The following SEMA3A variants were observed in gnomAD, a reference collection of about 807,000 sequenced individuals.
The protein encoded by SEMA3A is semaphorin 3A.
A neutral mutation model predicts 97.9 loss-of-function variants in SEMA3A; 29 were observed. The observed-to-expected ratio is 0.30, with a 90% CI of 0.22 to 0.40. SEMA3A has a LOEUF of 0.40. Ranked by LOEUF, SEMA3A falls within the 10% of genes least tolerant of loss-of-function variation. The pLI, the probability that SEMA3A is intolerant of heterozygous loss-of-function variation, is 1.00. For synonymous variants in SEMA3A, 321 were observed against 323.7 expected (o/e 0.99, Z 0.09); for missense variants, 763 against 951.3 (o/e 0.80, Z 2.60).
chr7:84,207,957 G>C (rs1257840697), intron 3 of SEMA3A, among the ~76,000 whole-genome samples: 1 of 152,042 alleles, frequency 6.6e-6, no homozygotes, highest in Non-Finnish European at 1.5e-5. Context: ...TTTTAGTCTT[G>C]TGTATTTTAT....
chr7:84,066,772 G>C (rs1793519692), intron 4 of SEMA3A, among the ~76,000 whole-genome samples: 1 of 151,942 alleles, frequency 6.6e-6, no homozygotes, highest in Admixed American at 6.6e-5. Flanking sequence ...AAATAAAAGA[G>C]GATACAAACA....
At chr7:83,989,572 G>C (rs966954492) in intron 12 of SEMA3A, among the ~76,000 whole-genome samples, 7 of 134,192 alleles carry the variant, frequency 5.2e-5, no homozygotes, top group Non-Finnish European at 1.1e-4. Context: ...GCGGTGTTTG[G>C]TTTTTTGTTC....
intron 1 of SEMA3A, among the ~76,000 whole-genome samples, chr7:84,456,132 C>T (rs934287147): frequency 3.3e-5 from 5 of 151,800 alleles, no homozygotes; most frequent in South Asian, 4.2e-4. Flanking sequence ...TTATTTCATG[C>T]GCTTCACAAC....
intron 3 of SEMA3A, among the ~76,000 whole-genome samples, chr7:84,223,033 A>C (rs1208915792): frequency 6.6e-6 from 1 of 151,934 alleles, no homozygotes; most frequent in African/African-American, 2.4e-5. Flanking sequence ...TAGGTACAAC[A>C]AATATTGTAT....
At chr7:83,999,087 G>C (rs1381384460) in intron 12 of SEMA3A, among the ~76,000 whole-genome samples, 1 of 152,118 alleles carries the variant, frequency 6.6e-6, no homozygotes, top group East Asian at 1.9e-4. Context: ...ACAACAGAAA[G>C]TGAAGTATTG....
chr7:84,456,376 C>A (rs1244829797), intron 1 of SEMA3A, among the ~76,000 whole-genome samples: 1 of 151,600 alleles, frequency 6.6e-6, no homozygotes, highest in Admixed American at 6.6e-5. Flanking sequence ...TCTTGGAATT[C>A]TAAATCAATA....
intron 2 of SEMA3A, among the ~76,000 whole-genome samples, chr7:84,343,085 A>G (rs1010670538): frequency 6.6e-6 from 1 of 152,224 alleles, no homozygotes; most frequent in South Asian, 2.1e-4. Context: ...TAACATTCAT[A>G]GACCAGAGTG....
At chr7:84,090,793 G>T (rs150564898) in intron 4 of SEMA3A, among the ~76,000 whole-genome samples, 1 of 151,986 alleles carries the variant, frequency 6.6e-6, no homozygotes, top group African/African-American at 2.4e-5. Context: ...TTGGCCGGGC[G>T]TGGTGGCTCA....
chr7:84,483,272 A>AC (rs1228127826), intron 1 of SEMA3A, among the ~76,000 whole-genome samples: 2 of 152,206 alleles, frequency 1.3e-5, no homozygotes, highest in African/African-American at 4.8e-5. Context: ...AAATTATAAA[A>AC]ATTAGAATGT....
intron 6 of SEMA3A, among the ~76,000 whole-genome samples, chr7:84,042,468 C>T (rs1792170904): frequency 6.6e-6 from 1 of 152,012 alleles, no homozygotes; most frequent in African/African-American, 2.4e-5. Flanking sequence ...CCCTTTCACC[C>T]TGACTCAAAT....
intron 2 of SEMA3A, among the ~76,000 whole-genome samples, chr7:84,351,040 CACAT>C (rs763345223): frequency 5.2e-4 from 78 of 151,082 alleles, no homozygotes; most frequent in Middle Eastern, 3.4e-3. Flanking sequence ...TAGGGAAACA[CACAT>C]GCATGCAGAT....
At chr7:84,460,870 C>T (rs959273702) in intron 1 of SEMA3A, among the ~76,000 whole-genome samples, 2 of 152,208 alleles carry the variant, frequency 1.3e-5, no homozygotes, top group African/African-American at 4.8e-5. Context: ...CTACCTGCAA[C>T]TGGCACCTAA....
intron 1 of SEMA3A, among the ~76,000 whole-genome samples, chr7:84,163,517 G>A (rs915096592): frequency 6.6e-6 from 1 of 151,988 alleles, no homozygotes; most frequent in Non-Finnish European, 1.5e-5. Flanking sequence ...TAAATAATGT[G>A]CACATTCTGA....
At chr7:84,185,255 A>G (rs1341093020) in intron 1 of SEMA3A, among the ~76,000 whole-genome samples, 1 of 152,166 alleles carries the variant, frequency 6.6e-6, no homozygotes, top group East Asian at 1.9e-4. Context: ...AAATTCCAGA[A>G]GTGACTTTTT....
rs1219251483 is a variant in SEMA3A, at chr7:84,265,539, T to C, written c.-83+41668A>G. On this transcript the variant is annotated intron_variant, in intron 3 of 3. Transcript: ENST00000424555. ...AATATATAATTTTATATATTATATA[T>C]TTTATATGTTTATATGTATTATATA... is the stretch of plus-strand genomic sequence containing the variant. Among the ~76,000 whole-genome samples, 5 of 147,710 alleles carry C rather than the reference T, an allele frequency of 3.4e-5. No homozygotes were observed. In the East Asian group the frequency reaches 9.7e-4, roughly 29 times the overall value.
At chr7:84,317,052 G>C (rs1025075960) in intron 2 of SEMA3A, among the ~76,000 whole-genome samples, 1 of 151,886 alleles carries the variant, frequency 6.6e-6, no homozygotes, top group Non-Finnish European at 1.5e-5. Flanking sequence ...CCATATTAAC[G>C]TGAGATTTGG....
intron 1 of SEMA3A, among the ~76,000 whole-genome samples, chr7:84,413,312 T>C (rs1804328104): frequency 6.6e-6 from 1 of 152,112 alleles, no homozygotes; most frequent in African/African-American, 2.4e-5. Context: ...AACCAAAAAG[T>C]TAAAATAAGA....
Position 84,005,375 on chromosome 7 carries a change from C to A in SEMA3A, c.1324G>T (p.Glu442Ter). ...TQIVVDRVDAEDGQYDVMFIG... is the reference protein window; with the variant it reads ...TQIVVDRVDA ...AACATAACATCATACTGTCCATCTTCTGCATCCACTCGGTCTACGACAATT... is the reference window on the plus strand; with the variant it reads ...AACATAACATCATACTGTCCATCTTATGCATCCACTCGGTCTACGACAATT... Residue 442 changes from glutamate (E) to a stop codon, truncating the protein, a stop_gained, in exon 11 of 17, where the codon GAA becomes TAA. Coordinates refer to ENST00000265362, the MANE Select transcript of SEMA3A (RefSeq NM_006080.3). LOFTEE classifies it high-confidence loss of function. The A allele has an allele frequency of 6.2e-7, 1 of 1,613,776 alleles. No homozygotes were observed. Among genetic ancestry groups the A allele is most frequent in the Non-Finnish European group, 8.5e-7 (1 of 1,179,768 alleles).
intron 1 of SEMA3A, among the ~76,000 whole-genome samples, chr7:84,399,752 C>T (rs981509793): frequency 6.6e-6 from 1 of 152,170 alleles, no homozygotes; most frequent in African/African-American, 2.4e-5. Flanking sequence ...TGGCCTCTGG[C>T]CTTGAATAAA....
Sources: allele counts gnomAD v4.1 joint callset (sites outside exome capture counted in the v4.1 genomes callset), GRCh38; gene constraint gnomAD v4.1.1; transcripts MANE v1.5; gene names NCBI Gene and HGNC (gene_info 2026-07-23, HGNC 2026-07-21).